CCSER1: variants seen among roughly 807,000 people sequenced by gnomAD.
CCSER1 encodes serine-rich coiled-coil domain-containing protein 1.
A neutral mutation model predicts 82.0 loss-of-function variants in CCSER1; 41 were observed. That is an observed-to-expected ratio of 0.50 (90% CI 0.39 to 0.65). The LOEUF is 0.65. Among genes scored for constraint, CCSER1 ranks in the 30% least tolerant of loss-of-function variants. The pLI is 0.00. For missense variants in CCSER1, 1,119 were observed against 1,064.2 expected, an observed-to-expected ratio of 1.05 and a Z score of -0.72; for synonymous variants, 414 against 383.9, an observed-to-expected ratio of 1.08 and a Z score of -0.92.
chr4:91,029,655 A>T (rs1330701843), intron 9 of CCSER1, among the ~76,000 whole-genome samples: 1 of 152,128 alleles, frequency 6.6e-6, no homozygotes, highest in African/African-American at 2.4e-5. Context: ...AGAACATCCC[A>T]GCCTGCTCCT....
chr4:90,526,163 A>G (rs1773729717), intron 5 of CCSER1, among the ~76,000 whole-genome samples: 1 of 152,206 alleles, frequency 6.6e-6, no homozygotes, highest in Non-Finnish European at 1.5e-5. Flanking sequence ...AGAGGCTAAA[A>G]TGCTGCTTTG....
chr4:90,156,302 C>G (rs550669309), intron 1 of CCSER1, among the ~76,000 whole-genome samples: 1 of 152,068 alleles, frequency 6.6e-6, no homozygotes, highest in South Asian at 2.1e-4. Flanking sequence ...AGTATGTGGT[C>G]AATTTTGGAA....
chr4:91,171,525 A>C (rs1209632633), intron 10 of CCSER1, among the ~76,000 whole-genome samples: 1 of 152,202 alleles, frequency 6.6e-6, no homozygotes, highest in African/African-American at 2.4e-5. Flanking sequence ...AATTATCAGC[A>C]TAACTTATGT....
At chr4:90,961,983 A>G (rs1002998873) in intron 9 of CCSER1, among the ~76,000 whole-genome samples, 2 of 152,126 alleles carry the variant, frequency 1.3e-5, no homozygotes, top group African/African-American at 2.4e-5. Flanking sequence ...AACAAAAACA[A>G]AAACAAAAAA....
chr4:91,160,864 C>T (rs1396789352), intron 10 of CCSER1, among the ~76,000 whole-genome samples: 1 of 152,058 alleles, frequency 6.6e-6, no homozygotes, highest in Non-Finnish European at 1.5e-5. Flanking sequence ...CCTATTCACT[C>T]TGATGGTAGT....
At chr4:90,560,247 C>G (rs895015201) in intron 5 of CCSER1, among the ~76,000 whole-genome samples, 1 of 151,836 alleles carries the variant, frequency 6.6e-6, no homozygotes, top group East Asian at 1.9e-4. Context: ...CCTTGGTGCA[C>G]TTTTAGAGAA....
At chr4:91,229,167 G>T (rs548288105) in intron 10 of CCSER1, among the ~76,000 whole-genome samples, 1 of 151,606 alleles carries the variant, frequency 6.6e-6, no homozygotes, top group Non-Finnish European at 1.5e-5. Flanking sequence ...GAACACATTC[G>T]CACACAAAAC....
intron 1 of CCSER1, among the ~76,000 whole-genome samples, chr4:90,167,291 T>G (rs1444462808): frequency 6.6e-6 from 1 of 152,118 alleles, no homozygotes; most frequent in Admixed American, 6.6e-5. Context: ...AATGAGTTAA[T>G]TTTAAGGATA....
intron 5 of CCSER1, among the ~76,000 whole-genome samples, chr4:90,606,582 A>C (rs1784741106): frequency 1.3e-5 from 2 of 152,146 alleles, no homozygotes; most frequent in Admixed American, 6.5e-5. Context: ...ATTGTTACTG[A>C]TTTTGATCAA....
intron 5 of CCSER1, among the ~76,000 whole-genome samples, chr4:90,514,190 A>T (rs1180139823): frequency 1.3e-5 from 2 of 152,186 alleles, no homozygotes; most frequent in Non-Finnish European, 2.9e-5. Context: ...ATTCTTTCAT[A>T]ACTCTTGAAT....
At chr4:90,448,601 A>G (rs941823312) in intron 4 of CCSER1, among the ~76,000 whole-genome samples, 8 of 151,560 alleles carry the variant, frequency 5.3e-5, no homozygotes, top group Non-Finnish European at 8.8e-5. Flanking sequence ...ACATACACAT[A>G]ACATGGACAA....
intron 1 of CCSER1, among the ~76,000 whole-genome samples, chr4:90,145,184 T>G (rs1202432492): frequency 1.3e-5 from 2 of 152,142 alleles, no homozygotes; most frequent in Middle Eastern, 3.2e-3. Context: ...TCTAATCTCA[T>G]AGGCCCCAAT....
intron 9 of CCSER1, among the ~76,000 whole-genome samples, chr4:91,059,314 A>ATATATATACATAGAGTGTATATATATGTG (rs1743740945): frequency 6.9e-6 from 1 of 143,970 alleles, no homozygotes. Flanking sequence ...ATACGTGTAT[A>ATATATATACATAGAGTGTATATATATGTG]TATATATACA....
intron 5 of CCSER1, among the ~76,000 whole-genome samples, chr4:90,542,476 TAAG>T (rs1776236283): frequency 6.6e-6 from 1 of 152,104 alleles, no homozygotes; most frequent in Non-Finnish European, 1.5e-5. Flanking sequence ...GCGATCCAAC[TAAG>T]CTTCATGCAC....
chr4:90,576,044 C>T (rs1369514415), intron 5 of CCSER1, among the ~76,000 whole-genome samples: 1 of 151,698 alleles, frequency 6.6e-6, no homozygotes, highest in Non-Finnish European at 1.5e-5. Context: ...GATATGTTCC[C>T]TCTCTGTTTT....
In CCSER1 at chr4:90,523,593, AT is replaced by A. The variant is rs775575328; in HGVS notation, c.1724+55244del. Among the ~76,000 whole-genome samples, 15 of 152,154 alleles carry A rather than the reference AT, an allele frequency of 9.9e-5. No homozygotes were observed. In the East Asian group the frequency reaches 1.9e-3, roughly 20 times the overall value. On this transcript the variant is annotated intron_variant, in intron 5 of 10. Coordinates refer to ENST00000509176, the MANE Select transcript of CCSER1 (RefSeq NM_001145065.2). ...GATTTGAGAATACAGTTTTGTTATC[AT>A]TTTTAGTAGTATTTAGAAGTAAAAT...
At chr4:90,864,172 G>T (rs1765450742) in intron 8 of CCSER1, among the ~76,000 whole-genome samples, 2 of 151,754 alleles carry the variant, frequency 1.3e-5, no homozygotes, top group South Asian at 4.2e-4. Context: ...ATGCTTGCTT[G>T]ACAACCCACA....
chr4:90,227,856 G>A lies in CCSER1; in HGVS notation c.-41-80388G>A, dbSNP rs533153182. Among the ~76,000 whole-genome samples, 9 of 152,330 alleles carry A rather than the reference G, an allele frequency of 5.9e-5. No individual in the cohort carries two copies. The South Asian group carries it at 1.7e-3, about 28-fold the overall frequency. On this transcript the variant is annotated intron_variant, in intron 1 of 10. Transcript: ENST00000509176. ...TTCCCTTTCCTAGTCAAAGAAAGGG[G>A]TGACAGATGGCACCTGGAAAATCGG...
chr4:91,289,216 G>A (rs1234034237), intron 10 of CCSER1, among the ~76,000 whole-genome samples: 1 of 151,932 alleles, frequency 6.6e-6, no homozygotes, highest in Non-Finnish European at 1.5e-5. Context: ...CCACACTAAA[G>A]GCTTCATAGA....
Sources: gnomAD v4.1 joint callset for allele counts (sites outside exome capture counted in the v4.1 genomes callset) on GRCh38, gnomAD v4.1.1 for gene constraint, MANE v1.5 for transcripts, NCBI Gene and HGNC (gene_info 2026-07-23, HGNC 2026-07-21) for gene names.